The following TTI1 variants were observed in gnomAD, a reference collection of about 807,000 sequenced individuals.
TTI1 encodes TELO2 interacting protein 1.
A neutral mutation model predicts 85.4 loss-of-function variants in TTI1; 52 were observed. The ratio of observed to expected loss-of-function variants is 0.61; its 90% confidence interval spans 0.49 to 0.77. TTI1 has a LOEUF of 0.77. TTI1 is among the 30% of genes least tolerant of loss of function. TTI1 has a pLI of 0.00. For synonymous variants in TTI1, 512 were observed against 503.9 expected, an observed-to-expected ratio of 1.02 and a Z score of -0.22; for missense variants, 1,173 against 1,296.0, an observed-to-expected ratio of 0.91 and a Z score of 1.46.
intron 1 of TTI1, among the ~76,000 whole-genome samples, chr20:38,020,309 TGAAAAA>T (rs1424813282): frequency 1.1e-3 from 50 of 46,680 alleles, no homozygotes; most frequent in African/African-American, 2.9e-3. Context: ...GCTACTCATA[TGAAAAA>T]AAAAAAAAAT....
At position 38,012,530 on chromosome 20, in the gene TTI1, G is replaced by C. The variant is rs2073614440; in HGVS notation, c.1287C>G (p.Ser429=). Residue 429 remains serine (S), a synonymous_variant, in exon 2 of 8, where the codon TCC becomes TCG. Transcript: ENST00000373447. The part of the protein sequence containing the change: ...LNSVAHLQRL[S]KALIQVLELD... ...GCTCTAGAACTTGGATGAGTGCTTT[G>C]GAAAGCCGCTGGAGATGGGCCACAG... 2 of 1,614,028 alleles carry C rather than the reference G, an allele frequency of 1.2e-6. No individual in the cohort carries two copies. Among genetic ancestry groups the C allele is most frequent in the African/African-American group, 1.3e-5 (1 of 74,896 alleles).
At chr20:38,014,280 C>A (rs1056632554) in intron 1 of TTI1, among the ~76,000 whole-genome samples, 1 of 152,188 alleles carries the variant, frequency 6.6e-6, no homozygotes, top group Non-Finnish European at 1.5e-5. Context: ...AATGCACTAT[C>A]TTAATGTACA....
intron 7 of TTI1, among the ~76,000 whole-genome samples, chr20:37,994,961 T>TA (rs1171262328): frequency 6.6e-6 from 1 of 152,116 alleles, no homozygotes; most frequent in African/African-American, 2.4e-5. Context: ...GTAGGAAAAA[T>TA]AGAATGGATG....
chr20:38,010,467 C>CTT (rs764386880), intron 2 of TTI1, among the ~76,000 whole-genome samples: 1,454 of 104,434 alleles, frequency 0.014, 48 homozygotes, highest in African/African-American at 0.025. Flanking sequence ...TTTGCCATTC[C>CTT]TTTTTTTTTT....
intron 7 of TTI1, among the ~76,000 whole-genome samples, chr20:37,985,361 C>T (rs994890152): frequency 6.6e-6 from 1 of 152,150 alleles, no homozygotes; most frequent in Non-Finnish European, 1.5e-5. Flanking sequence ...CCTGCTAAGT[C>T]GGAGTAAATT....
Position 38,007,181 on chromosome 20 carries a change from T to A in TTI1, c.2303-784A>T, listed in dbSNP as rs1180996573. Reference sequence around the variant, plus strand: ...GGCAAACACGTCCAAGTGACAAAATTCTGAGTACAGAATATACCACTCATT... The same window carrying A: ...GGCAAACACGTCCAAGTGACAAAATACTGAGTACAGAATATACCACTCATT... On this transcript the variant is annotated intron_variant, in intron 2 of 7. Coordinates refer to ENST00000373447, the MANE Select transcript of TTI1 (RefSeq NM_001303457.2). Among the ~76,000 whole-genome samples, 5 of 152,226 alleles carry A rather than the reference T, an allele frequency of 3.3e-5. No individual in the cohort carries two copies. The East Asian group carries it at 9.6e-4, about 29-fold the overall frequency.
chr20:37,990,597 G>A (rs1275836550), intron 7 of TTI1, among the ~76,000 whole-genome samples: 1 of 152,152 alleles, frequency 6.6e-6, no homozygotes, highest in African/African-American at 2.4e-5. Flanking sequence ...AAGACAAATA[G>A]AGATCATCTC....
At chr20:37,987,423 C>G in intron 7 of TTI1, 1 of 439,016 alleles carries the variant, frequency 2.3e-6, no homozygotes, top group Non-Finnish European at 4.6e-6. Flanking sequence ...ATGGCCAGTT[C>G]CATCTTTTTT....
In TTI1 at chr20:38,006,414, A is replaced by G. The variant is rs2073500896; in HGVS notation, c.2303-17T>C. ...ACCACTGGGCTGTAAATAAAGTGTT[A>G]CAATGATCACCTTGGCTATTAACAA... On this transcript the variant is annotated splice_polypyrimidine_tract_variant and intron_variant, in intron 2 of 7. Transcript: ENST00000373447. 6.2e-7 allele frequency: 1 copy of G among 1,613,764 alleles called. No homozygotes were observed.
In TTI1 at chr20:38,011,968, T is replaced by C. The variant is rs756979453; in HGVS notation, c.1849A>G (p.Ile617Val). The change falls in exon 2 of 8, where the codon ATT (isoleucine) becomes GTT (valine). Residue 617 changes from isoleucine (I) to valine (V), a missense_variant. By Grantham distance (29) the Ile-to-Val change is conservative. Transcript: ENST00000373447. ...FLAFSKPSPTICSMNSNIWQI... is the reference protein window; with the variant it reads ...FLAFSKPSPTVCSMNSNIWQI... ...CAGATGTTACTGTTCATGGAGCAAA[T>C]AGTGGGACTTGGCTTTGAGAAGGCT... 28 of 1,614,100 alleles carry C rather than the reference T, an allele frequency of 1.7e-5. No homozygotes were observed. Among genetic ancestry groups the C allele is most frequent in the Non-Finnish European group, 2.2e-5 (26 of 1,180,054 alleles).
At chr20:37,994,219 C>T (rs1164792821) in intron 7 of TTI1, among the ~76,000 whole-genome samples, 2 of 152,124 alleles carry the variant, frequency 1.3e-5, no homozygotes, top group African/African-American at 2.4e-5. Flanking sequence ...CTGCAACATC[C>T]GCCTCCCAGG....
At chr20:37,984,114 G>A (rs774665891) in intron 7 of TTI1, among the ~76,000 whole-genome samples, 1 of 152,158 alleles carries the variant, frequency 6.6e-6, no homozygotes, top group Non-Finnish European at 1.5e-5. Flanking sequence ...CCTCCAGCAC[G>A]CTGCTGAAGT....
At chr20:38,009,353 C>T (rs1166480700) in intron 2 of TTI1, among the ~76,000 whole-genome samples, 1 of 152,042 alleles carries the variant, frequency 6.6e-6, no homozygotes, top group Non-Finnish European at 1.5e-5. Context: ...AAATAAAATC[C>T]AAACTCCTTC....
chr20:38,010,025 C>T lies in TTI1; in HGVS notation c.2302+1490G>A, dbSNP rs145610182. On this transcript the variant is annotated intron_variant, in intron 2 of 7. Transcript: ENST00000373447. ...ATTTGTTTACTTGTTTATCATCTCT[C>T]TTGCAGTGGCAGGGAAGTTCCATGA... 6.6e-3 allele frequency among the ~76,000 whole-genome samples: 1,004 copies of T among 152,346 alleles called. 5 individuals are homozygous for T. The highest frequency in any genetic ancestry group is 0.02 in the African/African-American group (833 of 41,576).
intron 4 of TTI1, 95 bp downstream of exon 4, chr20:38,002,533 A>T (rs1280702521): frequency 1.9e-5 from 28 of 1,506,428 alleles, no homozygotes; most frequent in Non-Finnish European, 2.4e-5. Flanking sequence ...CCAGGAGATA[A>T]GGGGAGCTAC....
chr20:37,993,079 G>T (rs931055635), intron 7 of TTI1, among the ~76,000 whole-genome samples: 1 of 148,750 alleles, frequency 6.7e-6, no homozygotes, highest in Non-Finnish European at 1.5e-5. Flanking sequence ...ATCCATTGAA[G>T]TTACTTAACT....
chr20:38,007,691 G>C (rs772836804), intron 2 of TTI1, among the ~76,000 whole-genome samples: 1 of 152,202 alleles, frequency 6.6e-6, no homozygotes, highest in Non-Finnish European at 1.5e-5. Context: ...ATAACCTTTA[G>C]CACCTGCTAA....
chr20:37,986,878 T>A (rs976944912), intron 7 of TTI1, among the ~76,000 whole-genome samples: 3 of 152,230 alleles, frequency 2.0e-5, no homozygotes, highest in African/African-American at 7.2e-5. Context: ...GTTTCACTCA[T>A]AATTTTCTCC....
At chr20:38,022,800 C>T (rs138379826) in intron 1 of TTI1, among the ~76,000 whole-genome samples, 7 of 152,232 alleles carry the variant, frequency 4.6e-5, no homozygotes, top group South Asian at 2.1e-4. Flanking sequence ...AAGAACAAGT[C>T]GTAAGATGAA....
Sources: allele counts gnomAD v4.1 joint callset (sites outside exome capture counted in the v4.1 genomes callset), GRCh38; gene constraint gnomAD v4.1.1; transcripts MANE v1.5; gene names NCBI Gene and HGNC (gene_info 2026-07-23, HGNC 2026-07-21).